Variants in CEBPZ observed in about 807,000 individuals in gnomAD.
The protein encoded by CEBPZ is CCAAT enhancer binding protein zeta.
CEBPZ carries 78 observed loss-of-function variants against 104.5 expected under a neutral mutation model. That is an observed-to-expected ratio of 0.75 (90% confidence interval 0.62 to 0.90). The LOEUF (loss-of-function observed/expected upper bound fraction) is 0.90. CEBPZ is among the 40% of genes least tolerant of loss of function. CEBPZ has a pLI of 0.00. For missense variants in CEBPZ, 1,439 were observed against 1,233.5 expected (o/e 1.17, Z -2.50); for synonymous variants, 470 against 427.0 (o/e 1.10, Z -1.24).
Position 37,224,089 on chromosome 2 carries a change from A to G in CEBPZ, c.1650-688T>C, listed in dbSNP as rs549576483. Reference sequence around the variant, plus strand: ...ATTTTCCTGCCTTTCCCTCTTCTCTAAAGGTCCAATGAAATAGGGATTATG... The same window carrying G: ...ATTTTCCTGCCTTTCCCTCTTCTCTGAAGGTCCAATGAAATAGGGATTATG... On this transcript the variant is annotated intron_variant, in intron 2 of 15. Coordinates refer to ENST00000234170, the MANE Select transcript of CEBPZ (RefSeq NM_005760.3). Among the ~76,000 whole-genome samples, 6 of 152,336 alleles carry G rather than the reference A, an allele frequency of 3.9e-5. No individual in the cohort carries two copies. The South Asian group carries it at 1.2e-3, about 32-fold the overall frequency.
Position 37,231,578 on chromosome 2 carries a change from G to A in CEBPZ, c.-11C>T, listed in dbSNP as rs767114471. On this transcript the variant is annotated 5_prime_UTR_variant, in exon 1 of 16. Transcript: ENST00000234170. The stretch of plus-strand genomic sequence containing the variant: ...CTTGACTGCGGCCATGGCGGGCAAA[G>A]CATACGCGCGTGAAACTCAGCCTAT... 37 of 1,614,114 alleles carry A rather than the reference G, an allele frequency of 2.3e-5. No individual in the cohort carries two copies. In the East Asian group the frequency reaches 4.0e-4, roughly 17 times the overall value.
intron 10 of CEBPZ, chr2:37,212,618 G>A (rs571869649): frequency 1.7e-4 from 90 of 531,342 alleles, no homozygotes; most frequent in East Asian, 9.4e-4. Context: ...AGTTAATTTC[G>A]GCTCTTTCTA....
chr2:37,205,910 G>A (rs1677522549), intron 13 of CEBPZ, among the ~76,000 whole-genome samples: 1 of 152,202 alleles, frequency 6.6e-6, no homozygotes, highest in South Asian at 2.1e-4. Context: ...TAATAAAGGA[G>A]CATGGATTAT....
intron 13 of CEBPZ, chr2:37,203,536 A>G (rs1436418199): frequency 6.6e-6 from 1 of 152,240 alleles, no homozygotes; most frequent in African/African-American, 2.4e-5. Context: ...TGCATCTTTG[A>G]TATCAATGTC....
intron 1 of CEBPZ, 181 bp downstream of exon 1, chr2:37,231,231 T>C (rs1665081170): frequency 1.2e-6 from 1 of 801,584 alleles, no homozygotes; most frequent in Non-Finnish European, 2.2e-6. Context: ...TTCGAAACTT[T>C]TCTTTTGTAA....
At chr2:37,214,582 T>G (rs1677824090) in intron 9 of CEBPZ, among the ~76,000 whole-genome samples, 1 of 152,164 alleles carries the variant, frequency 6.6e-6, no homozygotes, top group African/African-American at 2.4e-5. Context: ...ATATGCTAAA[T>G]TAACAAAACT....
rs762939517 is a variant in CEBPZ at position 37,231,571 on chromosome 2, G to A, written c.-4C>T. Reference sequence around the variant, plus strand: ...AAGGCTCCTTGACTGCGGCCATGGCGGGCAAAGCATACGCGCGTGAAACTC... The same window carrying A: ...AAGGCTCCTTGACTGCGGCCATGGCAGGCAAAGCATACGCGCGTGAAACTC... On this transcript the variant is annotated 5_prime_UTR_variant, in exon 1 of 16. Coordinates refer to ENST00000234170, the MANE Select transcript of CEBPZ (RefSeq NM_005760.3). 1.2e-5 allele frequency: 19 copies of A among 1,614,102 alleles called. No homozygotes were observed. The highest frequency in any genetic ancestry group is 5.0e-5 in the Admixed American group (3 of 60,014).
chr2:37,216,468 A>C (rs1385855651), intron 6 of CEBPZ, 50 bp from the exon 7 acceptor site: 3 of 1,295,358 alleles, frequency 2.3e-6, no homozygotes, highest in Non-Finnish European at 1.1e-6. Flanking sequence ...TATGTCTATG[A>C]ATCCAAGTAA....
At chr2:37,217,635 G>A (rs1664648736) in intron 5 of CEBPZ, among the ~76,000 whole-genome samples, 1 of 152,150 alleles carries the variant, frequency 6.6e-6, no homozygotes, top group Non-Finnish European at 1.5e-5. Flanking sequence ...AGGCGCGGTG[G>A]CTCATGCCTG....
intron 13 of CEBPZ, chr2:37,203,580 C>T (rs909128431): frequency 6.6e-6 from 1 of 152,166 alleles, no homozygotes; most frequent in Non-Finnish European, 1.5e-5. Context: ...TTAAAAAGAG[C>T]TTTACTAAAT....
intron 5 of CEBPZ, 57 bp downstream of exon 5, chr2:37,220,328 A>AATAT (rs1290286359): frequency 8.0e-6 from 4 of 501,618 alleles, no homozygotes; most frequent in South Asian, 6.1e-5. Context: ...AAAAAAAAAA[A>AATAT]ATATATATAT....
At chr2:37,212,130 A>T (rs1677740843) in intron 11 of CEBPZ, 91 bp from the exon 12 acceptor site, 2 of 1,168,384 alleles carry the variant, frequency 1.7e-6, no homozygotes, top group African/African-American at 3.1e-5. Flanking sequence ...CTATTAAATG[A>T]CTCAGAAGGA....
chr2:37,201,869 A>G lies in CEBPZ; in HGVS notation c.3060T>C (p.Asp1020=), dbSNP rs558979989. ...LKQLRWEAER[D]DWLHNRDAKS... ...TTGCATCTCTGTTGTGTAGCCAGTC[A>G]TCACGTTCAGCCTCCCATCTAAGCT... The change falls in exon 16 of 16, where the codon GAT becomes GAC. Residue 1020 remains aspartate (D), a synonymous_variant. Transcript: ENST00000234170. The G allele has an allele frequency of 2.3e-5, 37 of 1,613,894 alleles. No homozygotes were observed. The highest frequency in any genetic ancestry group is 1.9e-4 in the African/African-American group (14 of 75,002).
In CEBPZ at chr2:37,231,471, T is replaced by A. The variant is rs778829475; in HGVS notation, c.97A>T (p.Thr33Ser). 6.2e-6 allele frequency: 10 copies of A among 1,614,046 alleles called. No homozygotes were observed. In the East Asian group the frequency reaches 2.2e-4, roughly 36 times the overall value. Residue 33 changes from threonine to serine, a missense_variant, in exon 1 of 16, where the codon ACT becomes TCT. Transcript: ENST00000234170. ...GAGAACCCATTCTCGGCTTCACTAG[T>A]ATTATCCTCATCCTCCTCGTCCGGA... ...EDPDEEDEDN[T>S]SEAENGFSLE...
At chr2:37,231,083 G>C (rs1227359472) in intron 1 of CEBPZ, among the ~76,000 whole-genome samples, 4 of 152,230 alleles carry the variant, frequency 2.6e-5, no homozygotes, top group Non-Finnish European at 4.4e-5. Flanking sequence ...CAATACCACT[G>C]GTGTTCAAAA....
intron 8 of CEBPZ, 22 bp from the exon 9 acceptor site, chr2:37,214,974 T>G (rs747602887): frequency 6.7e-7 from 1 of 1,496,326 alleles, no homozygotes; most frequent in South Asian, 1.1e-5. Flanking sequence ...AATTTAAACA[T>G]TTTAACTTCA....
In CEBPZ at chr2:37,211,916, T is replaced by C. The variant is rs758525915; in HGVS notation, c.2727A>G (p.Glu909=). 14 of 1,613,542 alleles carry C rather than the reference T, an allele frequency of 8.7e-6. No homozygotes were observed. The highest frequency in any genetic ancestry group is 1.7e-5 in the Admixed American group (1 of 59,862). ...DEVSLGSMDD[E]EFAEVDEDGG... ...CATCTTCATCAACTTCAGCAAATTC[T>C]TCATCATCCATACTTCCTAAAGAAA... The change falls in exon 12 of 16, where the codon GAA becomes GAG. Residue 909 remains glutamate, a synonymous_variant. Transcript: ENST00000234170.
chr2:37,201,680 A>G lies in CEBPZ; in HGVS notation c.*84T>C. ...CACTGAGAAGTCTGGAATGTATGGA[A>G]TCAGAGAGCTAGATCAAAAAACATG... On this transcript the variant is annotated 3_prime_UTR_variant, in exon 16 of 16. Coordinates refer to ENST00000234170, the MANE Select transcript of CEBPZ (RefSeq NM_005760.3). 1.2e-6 allele frequency: 1 copy of G among 840,920 alleles called. No individual in the cohort carries two copies. Among genetic ancestry groups the G allele is most frequent in the East Asian group, 2.7e-5 (1 of 37,722 alleles). 52.1% of individuals were successfully genotyped at this position (840,920 alleles called of 1,614,324 possible). A position where few individuals can be genotyped will look rare whatever the true frequency, so the allele number is the denominator to read the frequency against.
intron 13 of CEBPZ, chr2:37,204,701 AAATTAATAAATCTGAATC>A (rs1344039441): frequency 6.6e-6 from 1 of 152,234 alleles, no homozygotes; most frequent in Non-Finnish European, 1.5e-5. Context: ...ATCAATTAGT[AAATTAATAAATCTGAATC>A]AATTAATAAA....
Sources: allele counts gnomAD v4.1 joint callset (sites outside exome capture counted in the v4.1 genomes callset), GRCh38; gene constraint gnomAD v4.1.1; transcripts MANE v1.5; gene names NCBI Gene and HGNC (gene_info 2026-07-23, HGNC 2026-07-21).